Variants in SLC7A9 observed in about 807,000 individuals in gnomAD.
SLC7A9 encodes the protein B(0,+)-type amino acid transporter 1.
A neutral mutation model predicts 54.1 loss-of-function variants in SLC7A9; 38 were observed. The ratio of observed to expected loss-of-function variants is 0.70; its 90% CI spans 0.54 to 0.92. The LOEUF (loss-of-function observed/expected upper bound fraction) is 0.92, where lower values mean the gene tolerates loss of function less well. SLC7A9 is among the 40% of genes least tolerant of loss of function. The pLI is 0.00. For synonymous variants in SLC7A9, 264 were observed against 258.9 expected, an observed-to-expected ratio of 1.02 and a Z score of -0.19; for missense variants, 537 against 636.1, an observed-to-expected ratio of 0.84 and a Z score of 1.68.
intron 2 of SLC7A9, among the ~76,000 whole-genome samples, chr19:32,867,851 A>G (rs1969017523): frequency 6.8e-6 from 1 of 146,200 alleles, no homozygotes; most frequent in Non-Finnish European, 1.5e-5. Context: ...AGCTGCTTGA[A>G]CCCAGGAAGC....
At chr19:32,848,446 A>T (rs1332668621) in intron 9 of SLC7A9, among the ~76,000 whole-genome samples, 1 of 142,598 alleles carries the variant, frequency 7.0e-6, no homozygotes, top group Admixed American at 6.8e-5. Context: ...AGGCCATTAC[A>T]TAATGGTAAA....
At chr19:32,854,264 T>G (rs1968553988) in intron 9 of SLC7A9, among the ~76,000 whole-genome samples, 1 of 151,924 alleles carries the variant, frequency 6.6e-6, no homozygotes. Context: ...GTCCTCCCCC[T>G]CGGCCTCCCA....
intron 6 of SLC7A9, among the ~76,000 whole-genome samples, chr19:32,861,243 T>C (rs1968791623): frequency 6.6e-6 from 1 of 151,620 alleles, no homozygotes; most frequent in Non-Finnish European, 1.5e-5. Flanking sequence ...GCAGGAGAAT[T>C]GCTTGAACCT....
chr19:32,847,713 C>A (rs1269502311), intron 9 of SLC7A9, among the ~76,000 whole-genome samples: 3 of 152,070 alleles, frequency 2.0e-5, no homozygotes, highest in Admixed American at 6.6e-5. Context: ...TCGAGAAGGG[C>A]AACTCCAAGA....
Position 32,858,424 on chromosome 19 carries a change from G to T in SLC7A9, c.977+16C>A. ...CGCCCCTGTCCACCCTGGGAGTGAC[G>T]GTGGGGGTCCCCTACCTGCCCGCTG... is the stretch of plus-strand genomic sequence containing the variant. On this transcript the variant is annotated intron_variant, in intron 9 of 12. Transcript: ENST00000023064. 2.5e-6 allele frequency: 4 copies of T among 1,581,804 alleles called. No homozygotes were observed. The highest frequency in any genetic ancestry group is 3.5e-6 in the Non-Finnish European group (4 of 1,152,470).
intron 9 of SLC7A9, among the ~76,000 whole-genome samples, chr19:32,849,564 A>G (rs1968404412): frequency 6.6e-6 from 1 of 151,870 alleles, no homozygotes; most frequent in Non-Finnish European, 1.5e-5. Context: ...AAAAAAGTCC[A>G]GGACCAGATG....
chr19:32,846,338 C>T (rs573954509), intron 9 of SLC7A9, among the ~76,000 whole-genome samples: 5 of 152,312 alleles, frequency 3.3e-5, no homozygotes, highest in Admixed American at 6.5e-5. Context: ...GCTTTTCCAA[C>T]GGGCTTAAAA....
intron 11 of SLC7A9, 152 bp downstream of exon 11, chr19:32,842,016 G>T (rs1968140514): frequency 2.6e-6 from 2 of 763,830 alleles, no homozygotes; most frequent in Non-Finnish European, 4.4e-6. Context: ...CATAAACTAT[G>T]CTGTGAAGAG....
At chr19:32,868,758 G>A (rs774055200) in intron 1 of SLC7A9, 113 bp from the exon 2 acceptor site, 56 of 607,898 alleles carry the variant, frequency 9.2e-5, no homozygotes, top group Non-Finnish European at 1.5e-4. Context: ...TCCAGGCAGG[G>A]GAACACAGCT....
intron 9 of SLC7A9, 102 bp from the exon 10 acceptor site, chr19:32,844,053 G>A (rs929114326): frequency 3.6e-6 from 3 of 835,424 alleles, no homozygotes; most frequent in Non-Finnish European, 6.1e-6. Context: ...GCCCTCGGGA[G>A]GCTCAGGAAG....
At chr19:32,860,197 C>G (rs1403046718) in intron 7 of SLC7A9, 4 of 1,470,970 alleles carry the variant, frequency 2.7e-6, no homozygotes, top group Non-Finnish European at 3.6e-6. Flanking sequence ...GCTCTTCCCT[C>G]CCTTAGGAGC....
In SLC7A9 at chr19:32,842,576, G is replaced by A. The variant is rs149300160; in HGVS notation, c.1075-259C>T. On this transcript the variant is annotated intron_variant, in intron 10 of 12. Transcript: ENST00000023064. The stretch of plus-strand genomic sequence containing the variant: ...AAGGGAAAAATAAAATATTAGGTTG[G>A]TGCAAAAGTAACTGTGGGTTTTTTT... Among the ~76,000 whole-genome samples the A allele has an allele frequency of 1.7e-3, 244 of 143,958 alleles. 2 individuals are homozygous for A. Among genetic ancestry groups the A allele is most frequent in the African/African-American group, 6.0e-3 (235 of 38,972 alleles). 94.4% of individuals were successfully genotyped at this position (143,958 alleles called of 152,430 possible).
intron 10 of SLC7A9, among the ~76,000 whole-genome samples, 183 bp downstream of exon 10, chr19:32,843,672 G>A (rs1420313312): frequency 6.6e-6 from 1 of 152,134 alleles, no homozygotes; most frequent in African/African-American, 2.4e-5. Context: ...GTCTTTCGTG[G>A]ATAAATTCAG....
In SLC7A9 at chr19:32,862,209, TTG is replaced by T. The variant is rs1968819398; in HGVS notation, c.611_612del (p.Thr204LysfsTer4). On this transcript the variant is annotated frameshift_variant, in exon 6 of 13. Coordinates refer to ENST00000023064, the MANE Select transcript of SLC7A9 (RefSeq NM_014270.5). LOFTEE classifies it high-confidence loss of function. ...SGLVLLAQGN[T>X]KNFDNSFEGA... is the part of the protein sequence containing the mutation. ...CCCTCGAAAGAATTATCAAAATTCT[TTG>T]TGTTTCCTGTAATGAAGCCAGACAG... 9.3e-6 allele frequency: 15 copies of T among 1,613,566 alleles called. No individual in the cohort carries two copies. The highest frequency in any genetic ancestry group is 1.3e-5 in the Non-Finnish European group (15 of 1,179,510).
chr19:32,851,772 A>T (rs1192415615), intron 9 of SLC7A9, among the ~76,000 whole-genome samples: 1 of 152,200 alleles, frequency 6.6e-6, no homozygotes, highest in African/African-American at 2.4e-5. Context: ...GAACCAACCC[A>T]AATGTCCAAC....
At chr19:32,832,795 G>T in intron 12 of SLC7A9, 2 of 303,988 alleles carry the variant, frequency 6.6e-6, no homozygotes, top group Non-Finnish European at 1.3e-5. Flanking sequence ...TGTGGTCCCA[G>T]CTACTTGGGA....
intron 11 of SLC7A9, among the ~76,000 whole-genome samples, chr19:32,840,991 T>C (rs1851167591): frequency 6.6e-6 from 1 of 152,178 alleles, no homozygotes; most frequent in African/African-American, 2.4e-5. Context: ...TTGTGCAGAT[T>C]ACAAGTCTAT....
rs140873167 is a variant in SLC7A9 at position 32,862,151 on chromosome 19, G to A, written c.671C>T (p.Ala224Val). 236 of 1,613,394 alleles carry A rather than the reference G, an allele frequency of 1.5e-4. No homozygotes were observed. The highest frequency in any genetic ancestry group is 1.9e-4 in the Non-Finnish European group (226 of 1,179,604). Residue 224 changes from alanine (A) to valine (V), a missense_variant, in exon 6 of 13, where the codon GCG becomes GTG. Physicochemically the swap from Ala to Val is moderately conservative, Grantham distance 64. Transcript: ENST00000023064. ...ATAGGCCCAGAGTCCATTGTAAAAC[G>A]CCAGGCTGATGGCTCCCACAGACAG... ...AQLSVGAISL[A>V]FYNGLWAYDG...
chr19:32,860,763 C>A, intron 6 of SLC7A9, 113 bp from the exon 7 acceptor site: 1 of 1,429,338 alleles, frequency 7.0e-7, no homozygotes, highest in Non-Finnish European at 9.6e-7. Flanking sequence ...GAAAAAAATT[C>A]TCCTGCAGGA....
Sources: allele counts gnomAD v4.1 joint callset (sites outside exome capture counted in the v4.1 genomes callset), GRCh38; gene constraint gnomAD v4.1.1; transcripts MANE v1.5; gene names NCBI Gene and HGNC (gene_info 2026-07-23, HGNC 2026-07-21).